FIG4: variants seen among roughly 807,000 people sequenced by gnomAD.
The protein encoded by FIG4 is polyphosphoinositide phosphatase.
A neutral mutation model predicts 118.6 loss-of-function variants in FIG4; 112 were observed. The ratio of observed to expected loss-of-function variants is 0.94; its 90% confidence interval spans 0.81 to 1.11. The LOEUF (loss-of-function observed/expected upper bound fraction) is 1.11. Ranked by LOEUF, FIG4 falls within the 50% of genes least tolerant of loss-of-function variation. The pLI, the probability that FIG4 is intolerant of heterozygous loss-of-function variation, is 0.00. For missense variants in FIG4, 969 were observed against 1,111.7 expected (o/e 0.87, Z 1.83); for synonymous variants, 369 against 381.2 (o/e 0.97, Z 0.37).
intron 18 of FIG4, 43 bp downstream of exon 18, chr6:109,786,492 T>C: frequency 6.2e-7 from 1 of 1,600,574 alleles, no homozygotes; most frequent in Non-Finnish European, 8.6e-7. Context: ...TTGAGAACTG[T>C]AGTTTTCCTA....
intron 6 of FIG4, 37 bp from the exon 7 acceptor site, chr6:109,738,288 G>C (rs746629752): frequency 7.8e-6 from 12 of 1,532,698 alleles, no homozygotes; most frequent in East Asian, 2.3e-5. Flanking sequence ...AAAATATTTT[G>C]TGTATTTATG....
At chr6:109,795,321 A>G (rs958773416) in intron 21 of FIG4, among the ~76,000 whole-genome samples, 4 of 151,848 alleles carry the variant, frequency 2.6e-5, no homozygotes, top group Admixed American at 6.6e-5. Flanking sequence ...AGTTCTGTAC[A>G]AATAATCAGT....
At chr6:109,695,315 A>T (rs1431076283) in intron 1 of FIG4, among the ~76,000 whole-genome samples, 1 of 152,172 alleles carries the variant, frequency 6.6e-6, no homozygotes, top group Non-Finnish European at 1.5e-5. Context: ...TCTTTTTAAG[A>T]TGAGGAAACA....
Position 109,789,666 on chromosome 6 carries a change from A to G in FIG4, c.2169A>G (p.Lys723=). ...TGCGTAAACCAGATGAAACTGGAAA[A>G]TCAGTATTGGGGTAAGATTTGTGTA... is the stretch of plus-strand genomic sequence containing the variant. ...FTVRKPDETG[K]SVLGNKSNRE... is the part of the protein sequence containing the mutation. The change falls in exon 19 of 23, where the codon AAA becomes AAG. Residue 723 remains lysine (K), a synonymous_variant. Coordinates refer to ENST00000230124, the MANE Select transcript of FIG4 (RefSeq NM_014845.6). The G allele has an allele frequency of 6.2e-7, 1 of 1,610,550 alleles. No individual in the cohort carries two copies. Among genetic ancestry groups the G allele is most frequent in the Non-Finnish European group, 8.5e-7 (1 of 1,176,820 alleles).
chr6:109,748,380 G>T (rs184992431), intron 10 of FIG4, among the ~76,000 whole-genome samples: 44 of 152,306 alleles, frequency 2.9e-4, no homozygotes, highest in African/African-American at 1.0e-3. Flanking sequence ...TCTCAGCCAA[G>T]TAAGGACAGG....
At chr6:109,734,236 A>G (rs975225554) in intron 5 of FIG4, among the ~76,000 whole-genome samples, 2 of 151,726 alleles carry the variant, frequency 1.3e-5, no homozygotes, top group African/African-American at 2.4e-5. Context: ...CTTTAAAAAC[A>G]AATTTGTATA....
intron 22 of FIG4, among the ~76,000 whole-genome samples, chr6:109,811,494 A>C (rs1199683041): frequency 2.6e-5 from 4 of 152,180 alleles, no homozygotes. Context: ...AATAGTTGGA[A>C]TCATTAACAG....
At chr6:109,702,544 C>A (rs554787153) in intron 1 of FIG4, among the ~76,000 whole-genome samples, 3 of 152,284 alleles carry the variant, frequency 2.0e-5, no homozygotes, top group Admixed American at 2.0e-4. Flanking sequence ...ATACACAAAC[C>A]TTTTCCCTAG....
chr6:109,717,572 T>C (rs1284065973), intron 3 of FIG4, among the ~76,000 whole-genome samples: 1 of 152,234 alleles, frequency 6.6e-6, no homozygotes, highest in East Asian at 1.9e-4. Flanking sequence ...TTAAATGGTG[T>C]TGGAGGTCAC....
chr6:109,768,874 T>G (rs56009458), intron 15 of FIG4, among the ~76,000 whole-genome samples: 45,496 of 152,006 alleles, frequency 0.3, 7,365 homozygotes, highest in Non-Finnish European at 0.37. Flanking sequence ...GAAATGTATT[T>G]TCTTGCAGTT....
At chr6:109,707,365 G>A (rs199939882) in intron 1 of FIG4, among the ~76,000 whole-genome samples, 67 of 11,376 alleles carry the variant, frequency 5.9e-3, no homozygotes, top group African/African-American at 9.3e-3. Flanking sequence ...ATATATACGT[G>A]TATATATATA....
At chr6:109,789,510 T>A (rs534732162) in intron 18 of FIG4, 84 bp from the exon 19 acceptor site, 1 of 973,086 alleles carries the variant, frequency 1.0e-6, no homozygotes, top group African/African-American at 1.6e-5. Context: ...GAAGGAATAT[T>A]GTAAGAGTGT....
intron 20 of FIG4, among the ~76,000 whole-genome samples, chr6:109,792,095 G>C (rs1462462343): frequency 1.3e-5 from 2 of 152,202 alleles, no homozygotes; most frequent in African/African-American, 4.8e-5. Flanking sequence ...TAATACAAGA[G>C]CTAAATCCAT....
intron 14 of FIG4, among the ~76,000 whole-genome samples, chr6:109,765,369 C>T (rs866668493): frequency 6.9e-4 from 105 of 152,102 alleles, no homozygotes; most frequent in African/African-American, 2.5e-3. Context: ...TTTAATCTGT[C>T]TTGAGTTGGT....
chr6:109,740,769 C>G (rs929446865), intron 7 of FIG4, among the ~76,000 whole-genome samples: 11 of 152,094 alleles, frequency 7.2e-5, no homozygotes, highest in African/African-American at 2.2e-4. Flanking sequence ...AGTCCATTCT[C>G]ACACAGCTAT....
chr6:109,803,162 CA>C (rs1778469648), intron 22 of FIG4, among the ~76,000 whole-genome samples: 1 of 152,096 alleles, frequency 6.6e-6, no homozygotes, highest in South Asian at 2.1e-4. Context: ...CTGTTCTAAT[CA>C]GGGGAGCGAT....
intron 1 of FIG4, among the ~76,000 whole-genome samples, chr6:109,702,148 T>A (rs186578327): frequency 6.6e-6 from 1 of 152,334 alleles, no homozygotes; most frequent in East Asian, 1.9e-4. Flanking sequence ...TAACATGAAT[T>A]GAAGCTGTCA....
intron 10 of FIG4, among the ~76,000 whole-genome samples, chr6:109,759,063 A>G (rs1777016271): frequency 6.6e-6 from 1 of 152,254 alleles, no homozygotes; most frequent in Non-Finnish European, 1.5e-5. Context: ...ATCTAGAACC[A>G]GAAATGCCAT....
At chr6:109,817,567 G>A (rs4527747) in intron 22 of FIG4, among the ~76,000 whole-genome samples, 51,763 of 146,904 alleles carry the variant, frequency 0.35, 10,275 homozygotes, top group East Asian at 0.59. Context: ...CAGAGAGTGT[G>A]TAAAAAAAAA....
Sources: gnomAD v4.1 joint callset for allele counts (sites outside exome capture counted in the v4.1 genomes callset) on GRCh38, gnomAD v4.1.1 for gene constraint, MANE v1.5 for transcripts, NCBI Gene and HGNC (gene_info 2026-07-23, HGNC 2026-07-21) for gene names.